Variants in SLC9A9 observed in about 807,000 individuals in gnomAD.
SLC9A9 encodes sodium/hydrogen exchanger 9.
In SLC9A9, 62 loss-of-function variants were observed where a neutral mutation model predicts 77.8. That is an observed-to-expected ratio of 0.80 (90% CI 0.65 to 0.98). The LOEUF (loss-of-function observed/expected upper bound fraction) is 0.98, where lower values mean the gene tolerates loss of function less well. Ranked by LOEUF, SLC9A9 falls within the 50% of genes least tolerant of loss-of-function variation. The probability of loss-of-function intolerance (pLI) is 0.00; values close to 1 mark genes in which losing one functional copy is unlikely to be tolerated. For missense variants in SLC9A9, 775 were observed against 774.9 expected (o/e 1.00, Z 0.00); for synonymous variants, 320 against 283.5 (o/e 1.13, Z -1.29).
chr3:143,452,378 G>A (rs1472610170), intron 12 of SLC9A9, among the ~76,000 whole-genome samples: 3 of 151,102 alleles, frequency 2.0e-5, no homozygotes, highest in African/African-American at 7.3e-5. Context: ...ATATAGCACC[G>A]AAAAGAATAC....
chr3:143,338,262 A>C (rs1188203526), intron 14 of SLC9A9, among the ~76,000 whole-genome samples: 1 of 152,216 alleles, frequency 6.6e-6, no homozygotes, highest in Non-Finnish European at 1.5e-5. Flanking sequence ...ATAAGTAAAA[A>C]TAAACTGTGT....
chr3:143,297,261 TAA>T (rs1256239336), intron 14 of SLC9A9, among the ~76,000 whole-genome samples: 1 of 152,242 alleles, frequency 6.6e-6, no homozygotes, highest in Non-Finnish European at 1.5e-5. Flanking sequence ...TGCTATTCAT[TAA>T]AGAGTGTCTT....
At chr3:143,360,904 T>C (rs749443517) in intron 14 of SLC9A9, among the ~76,000 whole-genome samples, 1 of 152,236 alleles carries the variant, frequency 6.6e-6, no homozygotes, top group Non-Finnish European at 1.5e-5. Flanking sequence ...GGTTAATATC[T>C]GCGATTGACA....
intron 8 of SLC9A9, among the ~76,000 whole-genome samples, chr3:143,568,831 TA>T (rs2037213075): frequency 6.6e-6 from 1 of 152,146 alleles, no homozygotes; most frequent in Non-Finnish European, 1.5e-5. Flanking sequence ...TTTTGTACTT[TA>T]GAGCTACAGA....
chr3:143,402,985 G>T, intron 12 of SLC9A9, among the ~76,000 whole-genome samples: 1 of 145,170 alleles, frequency 6.9e-6, no homozygotes, highest in Admixed American at 7.0e-5. Context: ...ACTCTGCTTT[G>T]GATTTATAAT....
chr3:143,434,130 A>T (rs974418914), intron 12 of SLC9A9, among the ~76,000 whole-genome samples: 5 of 152,152 alleles, frequency 3.3e-5, no homozygotes, highest in Admixed American at 6.5e-5. Context: ...ATTTCCCTTA[A>T]TTTAGGCAAT....
At chr3:143,333,507 T>C (rs2031836439) in intron 14 of SLC9A9, among the ~76,000 whole-genome samples, 1 of 152,204 alleles carries the variant, frequency 6.6e-6, no homozygotes, top group African/African-American at 2.4e-5. Flanking sequence ...CCAGCACCCG[T>C]GCTATGCATT....
intron 4 of SLC9A9, among the ~76,000 whole-genome samples, chr3:143,695,369 T>C (rs1226689091): frequency 6.6e-6 from 1 of 152,098 alleles, no homozygotes; most frequent in Non-Finnish European, 1.5e-5. Flanking sequence ...CAGTGTGTAA[T>C]GTTCCCCTCC....
At chr3:143,464,310 A>G (rs2035245543) in intron 12 of SLC9A9, among the ~76,000 whole-genome samples, 2 of 152,202 alleles carry the variant, frequency 1.3e-5, no homozygotes, top group African/African-American at 2.4e-5. Context: ...ATGGGTGACT[A>G]TGAGTTTAAA....
chr3:143,838,209 T>C (rs920333890), intron 1 of SLC9A9, among the ~76,000 whole-genome samples: 8 of 152,172 alleles, frequency 5.3e-5, no homozygotes, highest in African/African-American at 1.4e-4. Flanking sequence ...CCCTACAGTA[T>C]TGGAAAAACT....
intron 4 of SLC9A9, among the ~76,000 whole-genome samples, chr3:143,764,109 G>A (rs2007226062): frequency 1.3e-5 from 2 of 152,034 alleles, no homozygotes; most frequent in South Asian, 4.2e-4. Flanking sequence ...ACTCTGACAG[G>A]GTAAGGAAAG....
chr3:143,352,507 G>T (rs1053480644), intron 14 of SLC9A9, among the ~76,000 whole-genome samples: 2 of 152,108 alleles, frequency 1.3e-5, no homozygotes, highest in Admixed American at 1.3e-4. Context: ...TTGGAAAAAG[G>T]TTAGCTCTCT....
chr3:143,280,820 T>C (rs997801982), intron 14 of SLC9A9, among the ~76,000 whole-genome samples: 2 of 152,188 alleles, frequency 1.3e-5, no homozygotes, highest in Non-Finnish European at 2.9e-5. Context: ...CCCAAAGTGC[T>C]AGAATTACAG....
intron 12 of SLC9A9, among the ~76,000 whole-genome samples, chr3:143,400,121 T>G (rs2033819039): frequency 6.6e-6 from 1 of 152,016 alleles, no homozygotes; most frequent in Non-Finnish European, 1.5e-5. Context: ...TGCTAAAGTG[T>G]GAAAAAACGT....
chr3:143,285,669 C>A (rs1253365536), intron 14 of SLC9A9, among the ~76,000 whole-genome samples: 2 of 152,182 alleles, frequency 1.3e-5, no homozygotes, highest in African/African-American at 2.4e-5. Context: ...GGCTGTCAAC[C>A]CAGTTGACAA....
intron 5 of SLC9A9, among the ~76,000 whole-genome samples, chr3:143,681,473 G>T (rs533246703): frequency 1.1e-4 from 16 of 152,162 alleles, no homozygotes; most frequent in African/African-American, 3.6e-4. Flanking sequence ...TGCCTAACTA[G>T]CATTATTATT....
chr3:143,393,233 T>G (rs2033614987), intron 12 of SLC9A9, among the ~76,000 whole-genome samples: 1 of 152,204 alleles, frequency 6.6e-6, no homozygotes, highest in African/African-American at 2.4e-5. Flanking sequence ...GAACAGAAAT[T>G]ATAACAAACT....
intron 12 of SLC9A9, among the ~76,000 whole-genome samples, chr3:143,453,334 C>A (rs558873916): frequency 6.6e-5 from 10 of 151,912 alleles, no homozygotes; most frequent in Non-Finnish European, 1.2e-4. Context: ...AATGGAAAAG[C>A]CTTTAGTTCA....
At chr3:143,312,592 C>T (rs370652885) in intron 14 of SLC9A9, among the ~76,000 whole-genome samples, 18 of 152,282 alleles carry the variant, frequency 1.2e-4, no homozygotes, top group African/African-American at 4.3e-4. Flanking sequence ...TGAAAACTTA[C>T]CCTGCTTTAC....
Sources: gnomAD v4.1 joint callset for allele counts (sites outside exome capture counted in the v4.1 genomes callset) on GRCh38, gnomAD v4.1.1 for gene constraint, MANE v1.5 for transcripts, NCBI Gene and HGNC (gene_info 2026-07-23, HGNC 2026-07-21) for gene names.